The following EPHA6 variants were observed in gnomAD, a reference collection of about 807,000 sequenced individuals.
EPHA6 encodes ephrin type-A receptor 6.
Under a neutral mutation model 112.0 loss-of-function variants are expected in EPHA6, and 50 were observed. That is an observed-to-expected ratio of 0.45 (90% CI 0.36 to 0.56). The LOEUF is 0.56. Among genes scored for constraint, EPHA6 ranks in the 20% least tolerant of loss-of-function variants. The pLI, the probability that EPHA6 is intolerant of heterozygous loss-of-function variation, is 0.00. For synonymous variants in EPHA6, 529 were observed against 490.7 expected (o/e 1.08, Z -1.03); for missense variants, 1,280 against 1,417.4 (o/e 0.90, Z 1.56).
chr3:97,210,534 C>G (rs1195857674), intron 3 of EPHA6, among the ~76,000 whole-genome samples: 1 of 152,052 alleles, frequency 6.6e-6, no homozygotes, highest in Non-Finnish European at 1.5e-5. Context: ...ATATCACTCA[C>G]CAATTATTCT....
At chr3:97,274,362 C>A (rs930812705) in intron 5 of EPHA6, among the ~76,000 whole-genome samples, 2 of 152,186 alleles carry the variant, frequency 1.3e-5, no homozygotes, top group South Asian at 4.1e-4. Flanking sequence ...GCAAAGGGAT[C>A]TGATGCCTTT....
intron 5 of EPHA6, among the ~76,000 whole-genome samples, chr3:97,333,391 G>T (rs375101562): frequency 6.6e-6 from 1 of 150,774 alleles, no homozygotes; most frequent in Non-Finnish European, 1.5e-5. Context: ...TATCCCTTGA[G>T]GTTTTTTGTG....
chr3:97,314,148 G>T (rs1357589932), intron 5 of EPHA6, among the ~76,000 whole-genome samples: 1 of 151,554 alleles, frequency 6.6e-6, no homozygotes, highest in Non-Finnish European at 1.5e-5. Flanking sequence ...TTTCTCCATT[G>T]TGTATTCTTG....
At position 97,322,973 on chromosome 3, in the gene EPHA6, A is replaced by G. The variant is rs566480171; in HGVS notation, c.1606+78686A>G. On this transcript the variant is annotated intron_variant, in intron 5 of 17. Coordinates refer to ENST00000389672, the MANE Select transcript of EPHA6 (RefSeq NM_001080448.3). The stretch of plus-strand genomic sequence containing the variant: ...TATTCAAAGCAGATGCTTTTATGCT[A>G]GCATGTATATTAATGTTAATTGAAG... Among the ~76,000 whole-genome samples the G allele has an allele frequency of 1.2e-4, 19 of 152,126 alleles. 2 individuals are homozygous for G. The highest frequency in any genetic ancestry group is 4.3e-4 in the African/African-American group (18 of 41,480).
intron 5 of EPHA6, among the ~76,000 whole-genome samples, chr3:97,304,776 T>TA (rs1241159549): frequency 1.3e-5 from 2 of 151,512 alleles, no homozygotes; most frequent in African/African-American, 4.8e-5. Flanking sequence ...ATGTAAAACC[T>TA]AAAAAAGCCC....
chr3:97,204,059 A>G (rs748604359), intron 3 of EPHA6, among the ~76,000 whole-genome samples: 2 of 152,162 alleles, frequency 1.3e-5, no homozygotes, highest in Non-Finnish European at 2.9e-5. Context: ...TGTGTTCTAA[A>G]CAACTTTTTT....
chr3:97,660,681 G>C (rs754583639), intron 14 of EPHA6, among the ~76,000 whole-genome samples: 5 of 152,096 alleles, frequency 3.3e-5, no homozygotes, highest in Non-Finnish European at 5.9e-5. Flanking sequence ...CACCAGTACA[G>C]ACATTGACAG....
chr3:97,332,834 C>G (rs1378655327), intron 5 of EPHA6, among the ~76,000 whole-genome samples: 2 of 152,022 alleles, frequency 1.3e-5, no homozygotes, highest in African/African-American at 4.8e-5. Context: ...TCTATAGTCC[C>G]TTCAATACTA....
chr3:96,828,442 G>A (rs1397359023), intron 1 of EPHA6, among the ~76,000 whole-genome samples: 1 of 152,104 alleles, frequency 6.6e-6, no homozygotes, highest in Non-Finnish European at 1.5e-5. Context: ...CTCATGTCAA[G>A]AGTATGAGAG....
intron 10 of EPHA6, among the ~76,000 whole-genome samples, chr3:97,530,712 CTGTT>C (rs770607056): frequency 6.6e-6 from 1 of 151,820 alleles, no homozygotes; most frequent in Non-Finnish European, 1.5e-5. Flanking sequence ...GCTTCTTTGC[CTGTT>C]TGTTTAACAT....
At chr3:97,432,145 G>A (rs1337738068) in intron 6 of EPHA6, among the ~76,000 whole-genome samples, 1 of 152,040 alleles carries the variant, frequency 6.6e-6, no homozygotes, top group East Asian at 1.9e-4. Flanking sequence ...AGACCCCTGG[G>A]AATTTTGCTG....
chr3:97,493,204 ATGTG>A (rs756975147), intron 10 of EPHA6, among the ~76,000 whole-genome samples: 1 of 151,014 alleles, frequency 6.6e-6, no homozygotes, highest in Non-Finnish European at 1.5e-5. Flanking sequence ...TTGTGTTTGT[ATGTG>A]TGTGTGTGTG....
chr3:97,480,257 C>A (rs1455762023), intron 9 of EPHA6, among the ~76,000 whole-genome samples: 1 of 145,486 alleles, frequency 6.9e-6, no homozygotes, highest in Non-Finnish European at 1.5e-5. Context: ...ATTTATTGAT[C>A]ATTCTTGGCT....
chr3:97,658,414 GATATAACT>G lies in EPHA6; in HGVS notation c.2784+20336_2784+20343del, dbSNP rs545288821. Among the ~76,000 whole-genome samples the G allele has an allele frequency of 2.9e-3, 441 of 151,962 alleles. 2 individuals carry two copies. Among genetic ancestry groups the G allele is most frequent in the Non-Finnish European group, 2.3e-3 (159 of 67,864 alleles). ...ATTTTGTGAAAATACTTTAAACTAT[GATATAACT>G]ATAACCTATGGCCAGAACATAGACA... On this transcript the variant is annotated intron_variant, in intron 14 of 17. Transcript: ENST00000389672.
intron 14 of EPHA6, among the ~76,000 whole-genome samples, chr3:97,717,527 C>T (rs1201953133): frequency 1.3e-5 from 2 of 152,120 alleles, no homozygotes; most frequent in Admixed American, 6.5e-5. Context: ...TTGAGGATGG[C>T]CTCAAATGGC....
At chr3:97,087,021 C>T (rs9824875) in intron 3 of EPHA6, among the ~76,000 whole-genome samples, 1 of 152,232 alleles carries the variant, frequency 6.6e-6, no homozygotes, top group Admixed American at 6.5e-5. Context: ...GTTTTGTTTT[C>T]CTGTGGGCAT....
chr3:97,621,080 G>T (rs1576103836), intron 13 of EPHA6, among the ~76,000 whole-genome samples: 2 of 152,054 alleles, frequency 1.3e-5, no homozygotes, highest in South Asian at 2.1e-4. Flanking sequence ...ATACTATGCA[G>T]TCGTGAAAAA....
At chr3:97,726,361 C>T (rs965304817) in intron 15 of EPHA6, among the ~76,000 whole-genome samples, 6 of 152,086 alleles carry the variant, frequency 3.9e-5, no homozygotes, top group Non-Finnish European at 8.8e-5. Flanking sequence ...TATGCATGCT[C>T]CTCTATCACA....
At chr3:97,327,993 ATGTGTATG>A (rs1559887892) in intron 5 of EPHA6, among the ~76,000 whole-genome samples, 100 of 137,830 alleles carry the variant, frequency 7.3e-4, no homozygotes, top group African/African-American at 2.8e-3. Flanking sequence ...ATATATGTAT[ATGTGTATG>A]TATATGTATA....
Sources: allele counts gnomAD v4.1 joint callset (sites outside exome capture counted in the v4.1 genomes callset), GRCh38; gene constraint gnomAD v4.1.1; transcripts MANE v1.5; gene names NCBI Gene and HGNC (gene_info 2026-07-23, HGNC 2026-07-21).